The following MYPN variants were observed in gnomAD, a reference collection of about 807,000 sequenced individuals.
MYPN encodes the protein myopalladin.
In MYPN, 63 loss-of-function variants were observed where a neutral mutation model predicts 129.4. The observed-to-expected ratio is 0.49, with a 90% CI of 0.40 to 0.60. The LOEUF (loss-of-function observed/expected upper bound fraction) is 0.60. MYPN is among the 20% of genes least tolerant of loss of function. The probability of loss-of-function intolerance (pLI) is 0.00; values close to 1 mark genes in which losing one functional copy is unlikely to be tolerated. For missense variants in MYPN, 1,596 were observed against 1,635.4 expected (o/e 0.98, Z 0.42); for synonymous variants, 629 against 600.9 (o/e 1.05, Z -0.68).
chr10:68,106,221 G>C, upstream of MYPN: 1 of 451,312 alleles, frequency 2.2e-6, no homozygotes, highest in Non-Finnish European at 4.4e-6. Flanking sequence ...ATGTTTTAAA[G>C]TGGGTGTTCT....
intron 8 of MYPN, among the ~76,000 whole-genome samples, chr10:68,163,471 T>C (rs2043009285): frequency 6.7e-6 from 1 of 150,224 alleles, no homozygotes; most frequent in African/African-American, 2.5e-5. Flanking sequence ...CTAAAAAAAA[T>C]ACAAAAAATT....
rs1564705792 is a variant in MYPN at position 68,211,400 on chromosome 10, G to T, written c.*945G>T. ...GAAGGAAGAGATACAAACAAGGAGA[G>T]GAAATGATGGGAGAGTGTTGTTTTT... On this transcript the variant is annotated 3_prime_UTR_variant, in exon 20 of 20. Coordinates refer to ENST00000358913, the MANE Select transcript of MYPN (RefSeq NM_032578.4). 1 of 454,084 alleles carries T rather than the reference G, an allele frequency of 2.2e-6. No homozygotes were observed. The highest frequency in any genetic ancestry group is 4.4e-6 in the Non-Finnish European group (1 of 226,782). The allele number at this position is 454,084 out of a possible 1,614,324, so 28.1% of individuals were successfully genotyped here.
At chr10:68,144,272 T>A (rs1480247375) in intron 3 of MYPN, among the ~76,000 whole-genome samples, 1 of 152,218 alleles carries the variant, frequency 6.6e-6, no homozygotes, top group Non-Finnish European at 1.5e-5. Context: ...TGTCTGCAGA[T>A]CATTCTTTAG....
chr10:68,120,858 C>T (rs542519854), intron 1 of MYPN, among the ~76,000 whole-genome samples: 1 of 152,288 alleles, frequency 6.6e-6, no homozygotes, highest in African/African-American at 2.4e-5. Context: ...ATGGCCTTCA[C>T]AACTGAACTT....
intron 6 of MYPN, among the ~76,000 whole-genome samples, chr10:68,153,885 A>G (rs906831989): frequency 1.7e-4 from 26 of 150,904 alleles, no homozygotes; most frequent in African/African-American, 5.6e-4. Flanking sequence ...TATACTGCCC[A>G]ACAAAGCATT....
intron 13 of MYPN, 115 bp downstream of exon 13, chr10:68,189,241 A>G (rs1199160948): frequency 7.8e-6 from 6 of 767,674 alleles, no homozygotes; most frequent in Non-Finnish European, 2.2e-6. Flanking sequence ...TGTATTTGTT[A>G]TTGATATAGT....
At chr10:68,129,306 T>C (rs576336186) in intron 2 of MYPN, among the ~76,000 whole-genome samples, 1 of 152,366 alleles carries the variant, frequency 6.6e-6, no homozygotes, top group Non-Finnish European at 1.5e-5. Flanking sequence ...AAAATATTTT[T>C]AAAAATAATA....
chr10:68,199,681 A>G, intron 17 of MYPN, 106 bp downstream of exon 17: 2 of 1,118,142 alleles, frequency 1.8e-6, no homozygotes, highest in Admixed American at 3.7e-5. Flanking sequence ...TACTAACTCC[A>G]ATCTCAATTT....
intron 1 of MYPN, among the ~76,000 whole-genome samples, chr10:68,093,142 C>T (rs894318377): frequency 2.6e-5 from 4 of 152,084 alleles, no homozygotes; most frequent in East Asian, 1.9e-4. Context: ...CCTCCCAAAG[C>T]GGTGGAATTT....
At chr10:68,118,202 A>G (rs2042185735) in intron 1 of MYPN, among the ~76,000 whole-genome samples, 1 of 152,176 alleles carries the variant, frequency 6.6e-6, no homozygotes, top group African/African-American at 2.4e-5. Context: ...ACAAATATAA[A>G]CTTTTTTAAA....
In MYPN at chr10:68,210,763, T is replaced by C; in HGVS notation, c.*308T>C. The C allele has an allele frequency of 2.0e-6, 1 of 494,628 alleles. No individual in the cohort carries two copies. Among genetic ancestry groups the C allele is most frequent in the Non-Finnish European group, 3.9e-6 (1 of 253,428 alleles). 30.6% of individuals were successfully genotyped at this position (494,628 alleles called of 1,614,324 possible). ...GCATGCTCCCCTGCTCCCTGTTGTG[T>C]TAGGGATGTTTAGGTCATACTAGGA... On this transcript the variant is annotated 3_prime_UTR_variant, in exon 20 of 20. Coordinates refer to ENST00000358913, the MANE Select transcript of MYPN (RefSeq NM_032578.4).
At chr10:68,168,750 A>C (rs758542989) in intron 10 of MYPN, among the ~76,000 whole-genome samples, 2 of 152,062 alleles carry the variant, frequency 1.3e-5, no homozygotes, top group African/African-American at 2.4e-5. Context: ...TTCAAGTTAA[A>C]ATAAGGGAAT....
chr10:68,089,592 G>A (rs116927706), intron 1 of MYPN, among the ~76,000 whole-genome samples: 5,681 of 151,964 alleles, frequency 0.037, 146 homozygotes, highest in South Asian at 0.084. Context: ...TGATTCGCCC[G>A]CTTCAGGCTC....
Position 68,165,854 on chromosome 10 carries a change from T to G in MYPN, c.1600+36T>G, listed in dbSNP as rs114650746. 5.9e-4 allele frequency: 890 copies of G among 1,504,074 alleles called. 3 individuals are homozygous for G. The African/African-American group carries it at 0.011, about 19-fold the overall frequency. The allele number at this position is 1,504,074 out of a possible 1,614,324, so 93.2% of individuals were successfully genotyped here. ...TTTAATGCTAGAACAGTTTAGCCTATGACTTTGAGTGTGAATATGCAGATT... is the reference window on the plus strand; with the variant it reads ...TTTAATGCTAGAACAGTTTAGCCTAGGACTTTGAGTGTGAATATGCAGATT... On this transcript the variant is annotated intron_variant, in intron 9 of 19. Coordinates refer to ENST00000358913, the MANE Select transcript of MYPN (RefSeq NM_032578.4).
chr10:68,136,678 A>G, intron 2 of MYPN: 7 of 1,535,252 alleles, frequency 4.6e-6, no homozygotes, highest in Non-Finnish European at 6.1e-6. Flanking sequence ...GAATCATTCC[A>G]CTTATCTCCT....
chr10:68,200,181 G>T (rs968490204), intron 17 of MYPN, among the ~76,000 whole-genome samples: 2 of 152,200 alleles, frequency 1.3e-5, no homozygotes, highest in Admixed American at 1.3e-4. Flanking sequence ...GAGATGCTGA[G>T]CTCCTAAGGT....
chr10:68,200,220 C>T (rs1252235413), intron 17 of MYPN, among the ~76,000 whole-genome samples: 1 of 152,204 alleles, frequency 6.6e-6, no homozygotes, highest in Non-Finnish European at 1.5e-5. Flanking sequence ...TTGCACATCT[C>T]CAGTGCCTCT....
chr10:68,129,725 A>T (rs918997624), intron 2 of MYPN, among the ~76,000 whole-genome samples: 3 of 152,154 alleles, frequency 2.0e-5, no homozygotes, highest in Admixed American at 6.6e-5. Context: ...ATCATTGCCA[A>T]TATTGATATT....
At chr10:68,144,206 T>C (rs2042624907) in intron 3 of MYPN, among the ~76,000 whole-genome samples, 1 of 152,236 alleles carries the variant, frequency 6.6e-6, no homozygotes, top group Non-Finnish European at 1.5e-5. Context: ...AATCAACTTA[T>C]GCTCCTTTGT....
Sources: gnomAD v4.1 joint callset for allele counts (sites outside exome capture counted in the v4.1 genomes callset) on GRCh38, gnomAD v4.1.1 for gene constraint, MANE v1.5 for transcripts, NCBI Gene and HGNC (gene_info 2026-07-23, HGNC 2026-07-21) for gene names.